Variants in PDGFRL observed in about 807,000 individuals in gnomAD.
PDGFRL encodes platelet-derived growth factor receptor-like protein.
A neutral mutation model predicts 37.2 loss-of-function variants in PDGFRL; 46 were observed. The observed-to-expected ratio is 1.24, with a 90% CI of 0.98 to 1.58. The LOEUF is 1.58. Ranked by LOEUF, PDGFRL falls within the 40% of genes most tolerant of loss-of-function variation. The pLI, the probability that PDGFRL is intolerant of heterozygous loss-of-function variation, is 0.00. For missense variants in PDGFRL, 692 were observed against 467.6 expected (o/e 1.48, Z -4.43); for synonymous variants, 251 against 184.3 (o/e 1.36, Z -2.93).
intron 1 of PDGFRL, among the ~76,000 whole-genome samples, chr8:17,581,104 C>A (rs1356881241): frequency 6.6e-6 from 1 of 152,118 alleles, no homozygotes; most frequent in East Asian, 1.9e-4. Context: ...GTTAGGACTT[C>A]AGCATATCTT....
chr8:17,594,302 G>T (rs1411997828), intron 2 of PDGFRL, among the ~76,000 whole-genome samples: 2 of 151,832 alleles, frequency 1.3e-5, no homozygotes, highest in Non-Finnish European at 2.9e-5. Context: ...GTGCAGTGGG[G>T]GGATCTCGGC....
chr8:17,605,093 G>C (rs570270617), intron 2 of PDGFRL, among the ~76,000 whole-genome samples: 11 of 152,258 alleles, frequency 7.2e-5, no homozygotes, highest in Admixed American at 2.0e-4. Context: ...CTCCAGCTTG[G>C]GCAACAGAGT....
chr8:17,599,561 T>A (rs1234498315), intron 2 of PDGFRL, among the ~76,000 whole-genome samples: 1 of 152,190 alleles, frequency 6.6e-6, no homozygotes, highest in Non-Finnish European at 1.5e-5. Flanking sequence ...CTACTTTCTC[T>A]TGTCTGCACA....
intron 4 of PDGFRL, among the ~76,000 whole-genome samples, chr8:17,633,567 A>C (rs914412215): frequency 1.3e-5 from 2 of 152,210 alleles, no homozygotes; most frequent in Non-Finnish European, 2.9e-5. Flanking sequence ...CATAATGAAG[A>C]AATTTGTTTC....
Position 17,633,912 on chromosome 8 carries a change from A to C in PDGFRL, c.800-162A>C, listed in dbSNP as rs1043621040. 1.1e-4 allele frequency among the ~76,000 whole-genome samples: 17 copies of C among 152,340 alleles called. No homozygotes were observed. The Middle Eastern group carries it at 0.014, about 122-fold the overall frequency. On this transcript the variant is annotated intron_variant, in intron 4 of 5. Transcript: ENST00000251630. ...GGTCAACAGATAAAGGTGGCTTCAA[A>C]GGAAGCCCCAAGTTGTGGGCTCACA... is the stretch of plus-strand genomic sequence containing the variant.
chr8:17,588,989 T>A (rs1203279391), intron 1 of PDGFRL, among the ~76,000 whole-genome samples: 3 of 152,166 alleles, frequency 2.0e-5, no homozygotes, highest in Admixed American at 6.5e-5. Context: ...TGTTTTAAAA[T>A]TAATCAAAAG....
chr8:17,588,405 A>G (rs1434771689), intron 1 of PDGFRL, among the ~76,000 whole-genome samples: 1 of 152,050 alleles, frequency 6.6e-6, no homozygotes, highest in Non-Finnish European at 1.5e-5. Context: ...GGCTGGGCAG[A>G]GTGGCTCACA....
intron 2 of PDGFRL, among the ~76,000 whole-genome samples, chr8:17,597,550 A>AT (rs5889723): frequency 0.78 from 117,798 of 151,480 alleles, 50,451 homozygotes; most frequent in Non-Finnish European, 0.96. Flanking sequence ...TGCAATATAC[A>AT]TTTTTTTTTC....
At position 17,589,745 on chromosome 8, in the gene PDGFRL, C is replaced by T; in HGVS notation, c.333C>T (p.Thr111=). 6.2e-7 allele frequency: 1 copy of T among 1,604,732 alleles called. No individual in the cohort carries two copies. Among genetic ancestry groups the T allele is most frequent in the African/African-American group, 1.3e-5 (1 of 74,692 alleles). The change falls in exon 2 of 6, where the codon ACC becomes ACT. Residue 111 remains threonine, a synonymous_variant. Transcript: ENST00000251630. ...IGWSYPAYLD[T]FKDSRLSVKQ... ...GGAGCTACCCTGCGTATCTGGACACCTTTAAGGATTCTCGCCTCAGGTAAG... is the reference window on the plus strand; with the variant it reads ...GGAGCTACCCTGCGTATCTGGACACTTTTAAGGATTCTCGCCTCAGGTAAG...
intron 2 of PDGFRL, among the ~76,000 whole-genome samples, chr8:17,615,336 A>G (rs1804501350): frequency 6.6e-6 from 1 of 152,046 alleles, no homozygotes; most frequent in South Asian, 2.1e-4. Context: ...GTGCATAGCT[A>G]TACTTAGCAG....
rs911608704 is a variant in PDGFRL at position 17,616,349 on chromosome 8, C to T, written c.354-4702C>T. On this transcript the variant is annotated intron_variant, in intron 2 of 5. Coordinates refer to ENST00000251630, the MANE Select transcript of PDGFRL (RefSeq NM_001372073.1). ...AGCTGGGACTACAGGCATGCACCAC[C>T]GCGCCCAGCTAATTTTTGTATTTTC... 4.6e-5 allele frequency among the ~76,000 whole-genome samples: 7 copies of T among 152,148 alleles called. No homozygotes were observed. The East Asian group carries it at 9.7e-4, about 21-fold the overall frequency.
chr8:17,605,251 A>G (rs2517187), intron 2 of PDGFRL, among the ~76,000 whole-genome samples: 127,531 of 152,192 alleles, frequency 0.84, 54,816 homozygotes, highest in Non-Finnish European at 0.94. Context: ...AAGAAAGACA[A>G]TGTCTCTTCC....
intron 2 of PDGFRL, among the ~76,000 whole-genome samples, chr8:17,591,644 G>A (rs7838661): frequency 0.017 from 2,609 of 152,296 alleles, 43 homozygotes; most frequent in Non-Finnish European, 0.024. Flanking sequence ...GGCTGGGCAC[G>A]GTGGCTCACG....
At chr8:17,609,633 G>T (rs1168285641) in intron 2 of PDGFRL, among the ~76,000 whole-genome samples, 2 of 14,056 alleles carry the variant, frequency 1.4e-4, no homozygotes, top group African/African-American at 1.8e-4. Context: ...GTGAGACTCT[G>T]TAAAAAAAAA....
At chr8:17,583,919 G>A (rs1803761906) in intron 1 of PDGFRL, among the ~76,000 whole-genome samples, 1 of 152,146 alleles carries the variant, frequency 6.6e-6, no homozygotes, top group Admixed American at 6.5e-5. Context: ...CTGGCCAGCA[G>A]AACTGTGAGC....
chr8:17,632,334 C>T (rs983998875), intron 4 of PDGFRL, among the ~76,000 whole-genome samples: 1 of 149,426 alleles, frequency 6.7e-6, no homozygotes. Flanking sequence ...ATTTTCCACA[C>T]TGTAGCTGAT....
chr8:17,632,778 TCCCCAGCCCTCCTCC>T (rs1211769900), intron 4 of PDGFRL, among the ~76,000 whole-genome samples: 1 of 151,540 alleles, frequency 6.6e-6, no homozygotes, highest in African/African-American at 2.4e-5. Context: ...TCCCCTCCTC[TCCCCAGCCCTCCTCC>T]ACTCCGCCAC....
intron 3 of PDGFRL, among the ~76,000 whole-genome samples, chr8:17,624,502 G>A (rs1292154503): frequency 6.6e-6 from 1 of 151,974 alleles, no homozygotes; most frequent in Admixed American, 6.5e-5. Context: ...TAAGCAAACA[G>A]GCACATGTAA....
intron 4 of PDGFRL, 29 bp from the exon 5 acceptor site, chr8:17,634,045 C>T (rs1804916501): frequency 6.2e-7 from 1 of 1,611,394 alleles, no homozygotes; most frequent in Non-Finnish European, 8.5e-7. Context: ...CTCGGGGTCT[C>T]ACTCTGCCTG....
Sources: gnomAD v4.1 joint callset for allele counts (sites outside exome capture counted in the v4.1 genomes callset) on GRCh38, gnomAD v4.1.1 for gene constraint, MANE v1.5 for transcripts, NCBI Gene and HGNC (gene_info 2026-07-23, HGNC 2026-07-21) for gene names.